HMCN2: variants seen among roughly 807,000 people sequenced by gnomAD.
HMCN2 encodes hemicentin 2, also known as hemicentin-2.
In HMCN2, 325 loss-of-function variants were observed where a neutral mutation model predicts 377.5. That is an observed-to-expected ratio of 0.86 (90% CI 0.79 to 0.94). The LOEUF is 0.94. Ranked by LOEUF, HMCN2 falls within the 40% of genes least tolerant of loss-of-function variation. HMCN2 has a pLI of 0.00. For missense variants in HMCN2, 4,543 were observed against 4,725.3 expected (o/e 0.96, Z 1.13); for synonymous variants, 2,007 against 2,046.8 (o/e 0.98, Z 0.53).
chr9:130,353,012 A>T lies in HMCN2; in HGVS notation c.4671A>T (p.Arg1557=), dbSNP rs1460306200. ...TAGTGCAGCTCCTGTGTGAGGCTCG[A>T]GGAGTGCCCACCCCAAACATCACCT... The part of the protein sequence containing the change: ...DHLVQLLCEA[R]GVPTPNITWF... The change falls in exon 31 of 98, where the codon CGA becomes CGT. Residue 1557 remains arginine (R), a synonymous_variant. Transcript: ENST00000683500. The T allele has an allele frequency of 1.5e-5, 19 of 1,303,934 alleles. No individual in the cohort carries two copies. The highest frequency in any genetic ancestry group is 1.9e-5 in the Non-Finnish European group (19 of 988,870). 80.8% of individuals were successfully genotyped at this position (1,303,934 alleles called of 1,614,324 possible).
In HMCN2 at chr9:130,424,912, A is replaced by C; in HGVS notation, c.13518A>C (p.Thr4506=). The C allele has an allele frequency of 6.8e-7, 1 of 1,460,296 alleles. No homozygotes were observed. The highest frequency in any genetic ancestry group is 9.1e-7 in the Non-Finnish European group (1 of 1,100,474). The allele number at this position is 1,460,296 out of a possible 1,614,324, so 90.5% of individuals were successfully genotyped here. The part of the protein sequence containing the change: ...FRQESHVEFA[T]GELLTMTQVA... ...AGGAGTCACACGTGGAGTTTGCTACAGGTAAACAGGGCCTCCCCCAGGTGG... is the reference window on the plus strand; with the variant it reads ...AGGAGTCACACGTGGAGTTTGCTACCGGTAAACAGGGCCTCCCCCAGGTGG... Residue 4506 remains threonine, a splice_region_variant and synonymous_variant, in exon 88 of 98, where the codon ACA becomes ACC. Transcript: ENST00000683500.
At chr9:130,332,809 T>C (rs1838496303) in intron 22 of HMCN2, among the ~76,000 whole-genome samples, 1 of 152,152 alleles carries the variant, frequency 6.6e-6, no homozygotes. Flanking sequence ...CACTAGTGCA[T>C]AGTGGGCATC....
intron 14 of HMCN2, 146 bp downstream of exon 14, chr9:130,307,712 T>G (rs1427661056): frequency 1.2e-5 from 5 of 412,622 alleles, no homozygotes; most frequent in Non-Finnish European, 2.5e-5. Flanking sequence ...GTGTCAGAGC[T>G]GGTGGGTTCC....
At position 130,383,614 on chromosome 9, in the gene HMCN2, A is replaced by T; in HGVS notation, c.8830+14A>T. 1 of 982,936 alleles carries T rather than the reference A, an allele frequency of 1.0e-6. No homozygotes were observed. The allele number at this position is 982,936 out of a possible 1,614,324, so 60.9% of individuals were successfully genotyped here. A position where few individuals can be genotyped will look rare whatever the true frequency, so the allele number is the denominator to read the frequency against. On this transcript the variant is annotated intron_variant, in intron 57 of 97. Coordinates refer to ENST00000683500, the MANE Select transcript of HMCN2 (RefSeq NM_001291815.2). The stretch of plus-strand genomic sequence containing the variant: ...TCAGGGTTCAAGGTGAGCTGGGCTG[A>T]GCAGGCAGCCCCTGTGGGTTCCTTT...
Position 130,405,020 on chromosome 9 carries a change from C to T in HMCN2, c.12300C>T (p.Thr4100=), listed in dbSNP as rs1427451736. The T allele has an allele frequency of 2.3e-6, 3 of 1,289,118 alleles. No homozygotes were observed. The African/African-American group carries it at 4.6e-5, about 20-fold the overall frequency. 79.9% of individuals were successfully genotyped at this position (1,289,118 alleles called of 1,614,324 possible). A position where few individuals can be genotyped will look rare whatever the true frequency, so the allele number is the denominator to read the frequency against. The change falls in exon 81 of 98, where the codon ACC becomes ACT. Residue 4100 remains threonine (T), a synonymous_variant. Coordinates refer to ENST00000683500, the MANE Select transcript of HMCN2 (RefSeq NM_001291815.2). The part of the protein sequence containing the change: ...QPVSGAEGKF[T]IQPSGELLVK... ...TGTCGGGCGCCGAGGGGAAGTTCAC[C>T]ATCCAGCCTTCTGGGGAGTTGCTGG... is the stretch of plus-strand genomic sequence containing the variant.
intron 89 of HMCN2, 103 bp from the exon 90 acceptor site, chr9:130,425,584 T>C: frequency 1.2e-6 from 1 of 852,566 alleles, no homozygotes; most frequent in Non-Finnish European, 1.9e-6. Flanking sequence ...CTCAGGCTGC[T>C]TGGGAGTTGA....
chr9:130,381,883 A>G (rs931583194), intron 54 of HMCN2, among the ~76,000 whole-genome samples: 2 of 152,114 alleles, frequency 1.3e-5, no homozygotes. Context: ...CAGCACTGCC[A>G]TGAAGGCTCA....
chr9:130,313,774 C>CTT (rs1215426849), intron 15 of HMCN2, among the ~76,000 whole-genome samples: 1,833 of 81,470 alleles, frequency 0.022, 78 homozygotes, highest in African/African-American at 0.051. Context: ...TGTGTGTCCT[C>CTT]TTTTTTTTTT....
At chr9:130,420,900 T>C (rs142971066) in intron 86 of HMCN2, among the ~76,000 whole-genome samples, 42 of 152,118 alleles carry the variant, frequency 2.8e-4, no homozygotes, top group African/African-American at 9.6e-4. Context: ...TAACCCAGCC[T>C]CCTTATTTTT....
intron 22 of HMCN2, among the ~76,000 whole-genome samples, chr9:130,335,186 C>T (rs1051480825): frequency 5.3e-4 from 80 of 152,210 alleles, no homozygotes; most frequent in African/African-American, 1.9e-3. Context: ...TCCTACTGGC[C>T]CACATCATCC....
Position 130,299,202 on chromosome 9 carries a change from G to A in HMCN2, c.1190G>A (p.Arg397His), listed in dbSNP as rs948853724. 22 of 470,954 alleles carry A rather than the reference G, an allele frequency of 4.7e-5. No homozygotes were observed. Among genetic ancestry groups the A allele is most frequent in the African/African-American group, 1.6e-4 (8 of 50,018 alleles). The allele number at this position is 470,954 out of a possible 1,614,324, so 29.2% of individuals were successfully genotyped here. A position where few individuals can be genotyped will look rare whatever the true frequency, so the allele number is the denominator to read the frequency against. Reference sequence around the variant, plus strand: ...CCGCCCTTCCACACCCCCAAGGAGCGCTTCTACCTCAAGGTGAAGGGCAAG... The same window carrying A: ...CCGCCCTTCCACACCCCCAAGGAGCACTTCTACCTCAAGGTGAAGGGCAAG... ...GGPPFHTPKE[R>H]FYLKVKGKDH... is the part of the protein sequence containing the mutation. Residue 397 changes from arginine to histidine, a missense_variant, in exon 8 of 98, where the codon CGC (arginine) becomes CAC (histidine). Transcript: ENST00000683500.
At chr9:130,327,903 G>A (rs1400398659) in intron 22 of HMCN2, among the ~76,000 whole-genome samples, 1 of 152,198 alleles carries the variant, frequency 6.6e-6, no homozygotes, top group Non-Finnish European at 1.5e-5. Flanking sequence ...CTGGCGGCTG[G>A]GCTGTCTGAC....
intron 93 of HMCN2, 62 bp from the exon 94 acceptor site, chr9:130,429,495 T>C (rs948296411): frequency 1.4e-5 from 22 of 1,544,142 alleles, no homozygotes; most frequent in Non-Finnish European, 1.9e-5. Context: ...GGATGGTCCG[T>C]CCCTTGGGGG....
At chr9:130,421,264 A>G (rs7041642) in intron 86 of HMCN2, among the ~76,000 whole-genome samples, 4,844 of 152,264 alleles carry the variant, frequency 0.032, 190 homozygotes, top group African/African-American at 0.089. Flanking sequence ...TCAAATGAGC[A>G]ACGTAGTTTA....
At chr9:130,331,073 G>A (rs890457103) in intron 22 of HMCN2, among the ~76,000 whole-genome samples, 2 of 151,140 alleles carry the variant, frequency 1.3e-5, no homozygotes, top group East Asian at 1.9e-4. Context: ...CAGGGGAATC[G>A]CTTGAACCTG....
At chr9:130,311,328 G>A (rs973142883) in intron 15 of HMCN2, among the ~76,000 whole-genome samples, 50 of 152,338 alleles carry the variant, frequency 3.3e-4, no homozygotes, top group African/African-American at 1.1e-3. Context: ...AGGAGGGTCT[G>A]GCCTGGGGGG....
chr9:130,415,828 TCTC>T (rs1350061143), intron 85 of HMCN2, among the ~76,000 whole-genome samples: 4 of 152,204 alleles, frequency 2.6e-5, no homozygotes, highest in Non-Finnish European at 5.9e-5. Context: ...TCCCTGCTCT[TCTC>T]AGCCAGGGCC....
At chr9:130,376,453 G>A (rs1349233276) in intron 51 of HMCN2, 63 bp from the exon 52 acceptor site, 94 of 788,488 alleles carry the variant, frequency 1.2e-4, no homozygotes, top group Non-Finnish European at 1.4e-4. Context: ...CCAGGACCAG[G>A]GTAAGCTCAG....
Position 130,391,011 on chromosome 9 carries a change from G to A in HMCN2, c.9558G>A (p.Gly3186=), listed in dbSNP as rs900039500. The A allele has an allele frequency of 2.4e-5, 24 of 987,310 alleles. No individual in the cohort carries two copies. In the African/African-American group the frequency reaches 4.0e-4, roughly 17 times the overall value. 61.2% of individuals were successfully genotyped at this position (987,310 alleles called of 1,614,324 possible). ...CGGTGCACGGTGTGGTCTCCCGGGG[G>A]GGCCGCCTCCAGCTGAGCCGCCTGC... The part of the protein sequence containing the change: ...SSAVHGVVSR[G]GRLQLSRLQP... Residue 3186 remains glycine, a synonymous_variant, in exon 63 of 98, where the codon GGG becomes GGA. Transcript: ENST00000683500.
Sources: gnomAD v4.1 joint callset for allele counts (sites outside exome capture counted in the v4.1 genomes callset) on GRCh38, gnomAD v4.1.1 for gene constraint, MANE v1.5 for transcripts, NCBI Gene and HGNC (gene_info 2026-07-23, HGNC 2026-07-21) for gene names.